Variants in VARS1 observed in about 807,000 individuals in gnomAD.
VARS1 encodes the protein valyl-tRNA synthetase 1.
In VARS1, 92 loss-of-function variants were observed where a neutral mutation model predicts 161.0. The ratio of observed to expected loss-of-function variants is 0.57; its 90% CI spans 0.48 to 0.68. The LOEUF is 0.68. Ranked by LOEUF, VARS1 falls within the 30% of genes least tolerant of loss-of-function variation. VARS1 has a pLI of 0.00. For synonymous variants in VARS1, 595 were observed against 682.5 expected, an observed-to-expected ratio of 0.87 and a Z score of 2.00; for missense variants, 1,338 against 1,695.9, an observed-to-expected ratio of 0.79 and a Z score of 3.71.
chr6:31,782,146 C>A lies in VARS1; in HGVS notation c.2182G>T (p.Gly728Cys). 1 of 1,613,988 alleles carries A rather than the reference C, an allele frequency of 6.2e-7. No homozygotes were observed. Among genetic ancestry groups the A allele is most frequent in the South Asian group, 1.1e-5 (1 of 91,086 alleles). ...ACAAAGTAGGCTGGGATGCGATGGC[C>A]CCACCACAGCTGCCTGGAAATGCAC... ...EWCISRQLWW[G>C]HRIPAYFVTV... is the part of the protein sequence containing the mutation. The change falls in exon 18 of 30, where the codon GGC becomes TGC. Residue 728 changes from glycine (G) to cysteine (C), a missense_variant. Gly to Cys is a radical substitution (Grantham distance 159, BLOSUM62 -3). Transcript: ENST00000375663. The surrounding 1 kb of genome is among the most constrained non-coding windows in gnomAD (Gnocchi z 8.3).
chr6:31,781,755 T>A lies in VARS1; in HGVS notation c.2354A>T (p.Asp785Val), dbSNP rs758822153. 1.2e-6 allele frequency: 2 copies of A among 1,612,854 alleles called. No individual in the cohort carries two copies. The highest frequency in any genetic ancestry group is 1.3e-5 in the African/African-American group (1 of 74,886). ...PDKISLQQDE[D>V]VLDTWFSSGL... Reference sequence around the variant, plus strand: ...AGAGGAGAACCAGGTATCCAATACATCCTCATCTGAGAGAGGCCAAAGGTC... The same window carrying A: ...AGAGGAGAACCAGGTATCCAATACAACCTCATCTGAGAGAGGCCAAAGGTC... The change falls in exon 20 of 30, where the codon GAT becomes GTT. Residue 785 changes from aspartate to valine, a missense_variant. Around this residue, in one of 3 missense-constraint regions of VARS1, gnomAD observed 902 missense variants for 1,090.3 expected, o/e 0.83. Coordinates refer to ENST00000375663, the MANE Select transcript of VARS1 (RefSeq NM_006295.3). This position sits in a 1 kb window ranked among gnomAD's most constrained non-coding sequence, Gnocchi z 6.8.
chr6:31,794,329 G>A (rs370688180), intron 2 of VARS1, among the ~76,000 whole-genome samples: 65 of 152,152 alleles, frequency 4.3e-4, no homozygotes, highest in African/African-American at 1.5e-3. Flanking sequence ...CAAGGAGGCA[G>A]AGTTGAAAGT....
In VARS1 at chr6:31,784,306, T is replaced by C. The variant is rs774777386; in HGVS notation, c.1579A>G (p.Ser527Gly). The C allele has an allele frequency of 6.3e-5, 102 of 1,614,066 alleles. No individual in the cohort carries two copies. The highest frequency in any genetic ancestry group is 8.3e-5 in the Non-Finnish European group (98 of 1,180,048). The change falls in exon 13 of 30, where the codon AGC becomes GGC. Residue 527 changes from serine (S) to glycine (G), a missense_variant and splice_region_variant. Around this residue, in one of 3 missense-constraint regions of VARS1, gnomAD observed 902 missense variants for 1,090.3 expected, o/e 0.83. Transcript: ENST00000375663. The surrounding 1 kb of genome is among the most constrained non-coding windows in gnomAD (Gnocchi z 6.1). ...GTTGCCACCACCACCTCCTCGTCGC[T>C]ATCTGGGGTGACAGAAGGCCTTGTG... is the stretch of plus-strand genomic sequence containing the variant. ...SFAYKVQGSD[S>G]DEEVVVATTR...
chr6:31,789,182 C>T (rs1813711029), intron 8 of VARS1, among the ~76,000 whole-genome samples: 1 of 151,100 alleles, frequency 6.6e-6, no homozygotes, highest in African/African-American at 2.4e-5. Flanking sequence ...AACTACCACA[C>T]AATAATACAA....
rs775502386 is a variant in VARS1 at position 31,784,463 on chromosome 6, C to T, written c.1507G>A (p.Val503Met). ...TCCACCTTCTCCTTGTAGCCAGGCACGGAGAGCAGGGTGCGACCTGTCAGC... is the reference window on the plus strand; with the variant it reads ...TCCACCTTCTCCTTGTAGCCAGGCATGGAGAGCAGGGTGCGACCTGTCAGC... The part of the protein sequence containing the change: ...KELTGRTLLS[V>M]PGYKEKVEFG... Residue 503 changes from valine (V) to methionine (M), a missense_variant, in exon 12 of 30, where the codon GTG becomes ATG. By Grantham distance (21) the Val-to-Met change is conservative. Transcript: ENST00000375663. The surrounding 1 kb of genome is among the most constrained non-coding windows in gnomAD (Gnocchi z 6.1). 6.8e-6 allele frequency: 11 copies of T among 1,613,994 alleles called. No homozygotes were observed. The highest frequency in any genetic ancestry group is 2.2e-5 in the East Asian group (1 of 44,884).
Position 31,779,880 on chromosome 6 carries a change from A to T in VARS1, c.3082-66T>A, listed in dbSNP as rs1813018345. On this transcript the variant is annotated intron_variant, in intron 26 of 29. Transcript: ENST00000375663. This position sits in a 1 kb window ranked among gnomAD's most constrained non-coding sequence, Gnocchi z 9.1. Reference sequence around the variant, plus strand: ...GCCTTGAGCCCTCGCTGTGCCTGTGAGGACTGGGAAGGGGATGGGTTGGCT... The same window carrying T: ...GCCTTGAGCCCTCGCTGTGCCTGTGTGGACTGGGAAGGGGATGGGTTGGCT... 1.2e-6 allele frequency: 2 copies of T among 1,604,132 alleles called. No individual in the cohort carries two copies. The highest frequency in any genetic ancestry group is 1.7e-6 in the Non-Finnish European group (2 of 1,174,442).
In VARS1 at chr6:31,785,763, G is replaced by A. The variant is rs778798768; in HGVS notation, c.1101-30C>T. The A allele has an allele frequency of 2.5e-6, 4 of 1,584,556 alleles. No individual in the cohort carries two copies. The highest frequency in any genetic ancestry group is 3.4e-6 in the Non-Finnish European group (4 of 1,169,640). Reference sequence around the variant, plus strand: ...TAGGGGGCATGGAGGACCAGAGGGTGAGCCAGGCCAGTGGGGCCTGGCACC... The same window carrying A: ...TAGGGGGCATGGAGGACCAGAGGGTAAGCCAGGCCAGTGGGGCCTGGCACC... On this transcript the variant is annotated intron_variant, in intron 8 of 29. Transcript: ENST00000375663. The surrounding 1 kb of genome is among the most constrained non-coding windows in gnomAD (Gnocchi z 6.1).
At position 31,779,026 on chromosome 6, in the gene VARS1, C is replaced by T; in HGVS notation, c.3667G>A (p.Ala1223Thr). 14 of 1,613,018 alleles carry T rather than the reference C, an allele frequency of 8.7e-6. No homozygotes were observed. Among genetic ancestry groups the T allele is most frequent in the Non-Finnish European group, 1.2e-5 (14 of 1,180,030 alleles). Residue 1223 changes from alanine to threonine, a missense_variant, in exon 29 of 30, where the codon GCT (alanine) becomes ACT (threonine). Ala to Thr is a moderately conservative substitution (Grantham distance 58). Coordinates refer to ENST00000375663, the MANE Select transcript of VARS1 (RefSeq NM_006295.3). This position sits in a 1 kb window ranked among gnomAD's most constrained non-coding sequence, Gnocchi z 9.1. ...ACCTTGACAGGATAGCCCGAGGCAG[C>T]ACGGCGTTCCCGCAGACGCTGGGCC... ...RQAQRLRERRAASGYPVKVPL... is the reference protein window; with the variant it reads ...RQAQRLRERRTASGYPVKVPL...
chr6:31,786,255 G>A (rs1390045316), intron 8 of VARS1, among the ~76,000 whole-genome samples: 6 of 151,622 alleles, frequency 4.0e-5, no homozygotes, highest in South Asian at 2.1e-4. Flanking sequence ...GTGAGACTCC[G>A]TCTCCAAAAA....
In VARS1 at chr6:31,777,984, T is replaced by A. The variant is rs1812852458; in HGVS notation, c.3727-322A>T. The A allele has an allele frequency of 4.9e-6, 2 of 407,106 alleles. No individual in the cohort carries two copies. Among genetic ancestry groups the A allele is most frequent in the Admixed American group, 3.9e-5 (1 of 25,444 alleles). The allele number at this position is 407,106 out of a possible 1,614,324, so 25.2% of individuals were successfully genotyped here. A position where few individuals can be genotyped will look rare whatever the true frequency, so the allele number is the denominator to read the frequency against. On this transcript the variant is annotated intron_variant, in intron 29 of 29. Transcript: ENST00000375663. This position sits in a 1 kb window ranked among gnomAD's most constrained non-coding sequence, Gnocchi z 5.8. ...CAGGCCGGTCACTTCATTTGTCAGA[T>A]GATGATGATGATATTGCCCCCCTCC...
At chr6:31,789,247 T>C (rs1813715089) in intron 8 of VARS1, among the ~76,000 whole-genome samples, 1 of 151,578 alleles carries the variant, frequency 6.6e-6, no homozygotes, top group South Asian at 2.1e-4. Flanking sequence ...AGGTAAAGAA[T>C]TCTCAAAAAA....
chr6:31,780,370 A>C lies in VARS1; in HGVS notation c.2925+71T>G, dbSNP rs530738874. On this transcript the variant is annotated intron_variant, in intron 25 of 29. Coordinates refer to ENST00000375663, the MANE Select transcript of VARS1 (RefSeq NM_006295.3). The surrounding 1 kb of genome is among the most constrained non-coding windows in gnomAD (Gnocchi z 5.1). ...TGTGTCTATCTGTCCCCCCAGCTAC[A>C]TGGAGGCTGCTCCGGACAGGGGTAC... is the stretch of plus-strand genomic sequence containing the variant. 7.7e-6 allele frequency: 12 copies of C among 1,568,122 alleles called. No homozygotes were observed. The highest frequency in any genetic ancestry group is 1.0e-5 in the Non-Finnish European group (12 of 1,156,426).
Position 31,777,671 on chromosome 6 carries a change from G to A in VARS1, c.3727-9C>T. 1 of 1,612,464 alleles carries A rather than the reference G, an allele frequency of 6.2e-7. No homozygotes were observed. The highest frequency in any genetic ancestry group is 8.5e-7 in the Non-Finnish European group (1 of 1,179,310). On this transcript the variant is annotated splice_polypyrimidine_tract_variant and intron_variant, in intron 29 of 29. Coordinates refer to ENST00000375663, the MANE Select transcript of VARS1 (RefSeq NM_006295.3). The surrounding 1 kb of genome is among the most constrained non-coding windows in gnomAD (Gnocchi z 5.8). ...GCTTCTGTCTGTTGGAGCTGGAGTG[G>A]AACCAGGGGGTGGGTGAGGACCCAG...
chr6:31,781,494 A>T lies in VARS1; in HGVS notation c.2531T>A (p.Leu844Gln). 2 of 1,612,710 alleles carry T rather than the reference A, an allele frequency of 1.2e-6. No homozygotes were observed. Among genetic ancestry groups the T allele is most frequent in the Non-Finnish European group, 1.7e-6 (2 of 1,179,932 alleles). The stretch of plus-strand genomic sequence containing the variant: ...CTGTCTCCGCACCTCTCTAAAGGGC[A>T]GCCTGCCCGTGAGCTTCAGGCCCAG... ...VMLGLKLTGRLPFREVYLHAI... is the reference protein window; with the variant it reads ...VMLGLKLTGRQPFREVYLHAI... The change falls in exon 21 of 30, where the codon CTG becomes CAG. Residue 844 changes from leucine (L) to glutamine (Q), a missense_variant. By Grantham distance (113) the Leu-to-Gln change is moderately radical (BLOSUM62 -2). Transcript: ENST00000375663. The surrounding 1 kb of genome is among the most constrained non-coding windows in gnomAD (Gnocchi z 6.8).
chr6:31,782,176 C>T lies in VARS1; in HGVS notation c.2152G>A (p.Glu718Lys). ...TWHAWMDNIR[E>K]WCISRQLWWG... ...CACAGCTGCCTGGAAATGCACCACT[C>T]CCTGCAAATGTCGGGGAGGAGAAAT... Residue 718 changes from glutamate (E) to lysine (K), a missense_variant and splice_region_variant, in exon 18 of 30, where the codon GAG (glutamate) becomes AAG (lysine). Physicochemically the swap from Glu to Lys is moderately conservative, Grantham distance 56. Transcript: ENST00000375663. This position sits in a 1 kb window ranked among gnomAD's most constrained non-coding sequence, Gnocchi z 8.3. The T allele has an allele frequency of 6.2e-7, 1 of 1,613,688 alleles. No individual in the cohort carries two copies. The highest frequency in any genetic ancestry group is 8.5e-7 in the Non-Finnish European group (1 of 1,179,798).
intron 2 of VARS1, among the ~76,000 whole-genome samples, chr6:31,794,291 A>G (rs1472419451): frequency 6.6e-6 from 1 of 152,040 alleles, no homozygotes; most frequent in Non-Finnish European, 1.5e-5. Flanking sequence ...AAGAAATACT[A>G]ATTTTCCATC....
intron 8 of VARS1, among the ~76,000 whole-genome samples, chr6:31,786,477 A>C (rs1298819497): frequency 6.6e-6 from 1 of 151,044 alleles, no homozygotes; most frequent in African/African-American, 2.4e-5. Flanking sequence ...GACCAGCCTG[A>C]CCAACATGGC....
chr6:31,778,818 T>C lies in VARS1; in HGVS notation c.3726+149A>G. On this transcript the variant is annotated intron_variant, in intron 29 of 29. Transcript: ENST00000375663. The surrounding 1 kb of genome is among the most constrained non-coding windows in gnomAD (Gnocchi z 5.1). Reference sequence around the variant, plus strand: ...CACTGAGCCAGGCTGTTTTGTTTTTTAAGGCTAGTGGGAGTGGAGAAGGAA... The same window carrying C: ...CACTGAGCCAGGCTGTTTTGTTTTTCAAGGCTAGTGGGAGTGGAGAAGGAA... 1 of 1,124,796 alleles carries C rather than the reference T, an allele frequency of 8.9e-7. No individual in the cohort carries two copies. 69.7% of individuals were successfully genotyped at this position (1,124,796 alleles called of 1,614,324 possible).
rs1562302106 is a variant in VARS1, at chr6:31,784,560, T to C, written c.1467+35A>G. On this transcript the variant is annotated intron_variant, in intron 11 of 29. Coordinates refer to ENST00000375663, the MANE Select transcript of VARS1 (RefSeq NM_006295.3). This position sits in a 1 kb window ranked among gnomAD's most constrained non-coding sequence, Gnocchi z 6.1. Reference sequence around the variant, plus strand: ...GGGCCAGGGCCAGGGCCAGGGTAGATTGGAGATGGAGACAGGCCAGGTTGG... The same window carrying C: ...GGGCCAGGGCCAGGGCCAGGGTAGACTGGAGATGGAGACAGGCCAGGTTGG... The C allele has an allele frequency of 6.2e-6, 10 of 1,613,410 alleles. No individual in the cohort carries two copies. The highest frequency in any genetic ancestry group is 8.5e-6 in the Non-Finnish European group (10 of 1,180,014).
Sources: gnomAD v4.1 joint callset for allele counts (sites outside exome capture counted in the v4.1 genomes callset) on GRCh38, gnomAD v4.1.1 for gene constraint, gnomAD v4.1.1 regional missense constraint, Gnocchi (gnomAD v3.1) non-coding constraint, MANE v1.5 for transcripts, NCBI Gene and HGNC (gene_info 2026-07-23, HGNC 2026-07-21) for gene names.